Variants in UBL3 observed in about 807,000 individuals in gnomAD.
UBL3 encodes the protein ubiquitin like 3, also known as ubiquitin-like protein 3.
A neutral mutation model predicts 18.4 loss-of-function variants in UBL3; 6 were observed. The observed-to-expected ratio is 0.33, with a 90% CI of 0.18 to 0.64. The LOEUF (loss-of-function observed/expected upper bound fraction) is 0.64, where lower values mean the gene tolerates loss of function less well. Among genes scored for constraint, UBL3 ranks in the 30% least tolerant of loss-of-function variants. The pLI, the probability that UBL3 is intolerant of heterozygous loss-of-function variation, is 0.76. For missense variants in UBL3, 109 were observed against 142.9 expected (o/e 0.76, Z 1.21); for synonymous variants, 49 against 46.6 (o/e 1.05, Z -0.21).
chr13:29,846,667 A>G (rs1879234812), intron 1 of UBL3, among the ~76,000 whole-genome samples: 1 of 152,196 alleles, frequency 6.6e-6, no homozygotes, highest in Non-Finnish European at 1.5e-5. Context: ...AATTATCTCT[A>G]TTGGAAACAT....
At position 29,766,828 on chromosome 13, in the gene UBL3, G is replaced by T. The variant is rs1034365912; in HGVS notation, c.*427C>A. On this transcript the variant is annotated 3_prime_UTR_variant, in exon 5 of 5. Coordinates refer to ENST00000380680, the MANE Select transcript of UBL3 (RefSeq NM_007106.4). ...TTCCAGTGTGGAATTGTATATATAA[G>T]TATTTCTAGATACCACACACTGTTA... The T allele has an allele frequency of 6.5e-6, 1 of 153,552 alleles. No homozygotes were observed. The highest frequency in any genetic ancestry group is 2.4e-5 in the African/African-American group (1 of 41,438). The allele number at this position is 153,552 out of a possible 1,614,324, so 9.5% of individuals were successfully genotyped here.
chr13:29,822,947 TCACAC>T (rs1878504115), intron 1 of UBL3, among the ~76,000 whole-genome samples: 2 of 151,950 alleles, frequency 1.3e-5, no homozygotes, highest in African/African-American at 4.8e-5. Context: ...ACACATCACA[TCACAC>T]ATAAAAAATG....
At chr13:29,836,542 C>A (rs1440618621) in intron 1 of UBL3, among the ~76,000 whole-genome samples, 1 of 151,902 alleles carries the variant, frequency 6.6e-6, no homozygotes, top group Non-Finnish European at 1.5e-5. Flanking sequence ...AGGGTCAGGA[C>A]TTGAGGAGCC....
chr13:29,833,975 CAA>C (rs929628729), intron 1 of UBL3, among the ~76,000 whole-genome samples: 1 of 152,086 alleles, frequency 6.6e-6, no homozygotes, highest in African/African-American at 2.4e-5. Context: ...ATCACGAGGT[CAA>C]GAGTTCGAGA....
At chr13:29,814,029 C>T (rs1878189889) in intron 1 of UBL3, among the ~76,000 whole-genome samples, 1 of 152,090 alleles carries the variant, frequency 6.6e-6, no homozygotes, top group Admixed American at 6.6e-5. Flanking sequence ...GCATGCAAAT[C>T]ACGCTTCTTC....
intron 1 of UBL3, among the ~76,000 whole-genome samples, chr13:29,820,711 G>A (rs1878413740): frequency 6.6e-6 from 1 of 151,984 alleles, no homozygotes; most frequent in Non-Finnish European, 1.5e-5. Context: ...CAACATATTA[G>A]GTTCTGACCA....
chr13:29,822,694 C>T (rs939214246), intron 1 of UBL3, among the ~76,000 whole-genome samples: 1 of 152,144 alleles, frequency 6.6e-6, no homozygotes, highest in African/African-American at 2.4e-5. Context: ...CGAACCACCA[C>T]ACCTGGCCAA....
chr13:29,787,210 T>C (rs930163993), intron 1 of UBL3, among the ~76,000 whole-genome samples: 3 of 152,162 alleles, frequency 2.0e-5, no homozygotes, highest in African/African-American at 7.2e-5. Flanking sequence ...AAGAAAACTT[T>C]GGGTTCTTAT....
intron 1 of UBL3, among the ~76,000 whole-genome samples, chr13:29,848,747 C>T (rs970027228): frequency 6.6e-6 from 1 of 152,208 alleles, no homozygotes; most frequent in Admixed American, 6.5e-5. Context: ...GACTCACAAC[C>T]TTACCCTTTA....
chr13:29,776,610 C>T (rs910207767), intron 2 of UBL3, among the ~76,000 whole-genome samples: 6 of 151,886 alleles, frequency 4.0e-5, no homozygotes, highest in Admixed American at 1.3e-4. Flanking sequence ...CGGTGGCTCA[C>T]GCCTGTAATC....
rs893825581 is a variant in UBL3, at chr13:29,785,692, G to A, written c.28-8429C>T. ...TGCAGCGCTAAAATATGGTAATTAC[G>A]TATTTCATAAACTTTCTTTTATTCA... On this transcript the variant is annotated intron_variant, in intron 1 of 4. Coordinates refer to ENST00000380680, the MANE Select transcript of UBL3 (RefSeq NM_007106.4). Among the ~76,000 whole-genome samples the A allele has an allele frequency of 5.3e-5, 8 of 152,228 alleles. No individual in the cohort carries two copies. The South Asian group carries it at 6.2e-4, about 12-fold the overall frequency.
intron 1 of UBL3, among the ~76,000 whole-genome samples, chr13:29,783,018 G>C (rs9508553): frequency 0.15 from 22,483 of 152,178 alleles, 2,101 homozygotes; most frequent in East Asian, 0.41. Flanking sequence ...AGATGCAACT[G>C]AAAGTGCAGA....
intron 1 of UBL3, among the ~76,000 whole-genome samples, chr13:29,848,200 T>C (rs572840067): frequency 2.0e-5 from 3 of 147,674 alleles, no homozygotes; most frequent in East Asian, 2.0e-4. Context: ...TCCCAGCACT[T>C]TGGGAGGCCA....
chr13:29,800,902 G>C (rs1210817676), intron 1 of UBL3, among the ~76,000 whole-genome samples: 1 of 151,408 alleles, frequency 6.6e-6, no homozygotes, highest in Non-Finnish European at 1.5e-5. Flanking sequence ...GCTGGGGACT[G>C]ACAGGGACCC....
intron 1 of UBL3, among the ~76,000 whole-genome samples, chr13:29,790,638 C>T (rs1877458026): frequency 6.6e-6 from 1 of 152,122 alleles, no homozygotes. Context: ...ATGTTTCCTT[C>T]TTGGAGATGT....
intron 1 of UBL3, among the ~76,000 whole-genome samples, chr13:29,798,834 G>A (rs923755160): frequency 1.2e-4 from 18 of 152,128 alleles, no homozygotes; most frequent in African/African-American, 4.3e-4. Context: ...TTTTTCACAT[G>A]CTTGATATTA....
In UBL3 at chr13:29,780,331, GCGA is replaced by G. The variant is rs1271719071; in HGVS notation, c.28-3071_28-3069del. 1.1e-4 allele frequency among the ~76,000 whole-genome samples: 13 copies of G among 121,168 alleles called. 1 individual carries two copies. The East Asian group carries it at 3.1e-3, about 29-fold the overall frequency. 79.5% of individuals were successfully genotyped at this position (121,168 alleles called of 152,430 possible). A position where few individuals can be genotyped will look rare whatever the true frequency, so the allele number is the denominator to read the frequency against. ...ATTGTGCCACTGCACTCCAGCCTGG[GCGA>G]CAGAGCGAGACTCTGTCTCAAAAAA... On this transcript the variant is annotated intron_variant, in intron 1 of 4. Transcript: ENST00000380680.
In UBL3 at chr13:29,771,277, C is replaced by T. The variant is rs373721168; in HGVS notation, c.223+835G>A. 7.3e-4 allele frequency among the ~76,000 whole-genome samples: 111 copies of T among 152,122 alleles called. 2 individuals carry two copies. The highest frequency in any genetic ancestry group is 3.4e-3 in the Middle Eastern group (1 of 294). On this transcript the variant is annotated intron_variant, in intron 3 of 4. Coordinates refer to ENST00000380680, the MANE Select transcript of UBL3 (RefSeq NM_007106.4). ...AGATAGACCATTTCATTTGCCTATA[C>T]GTTTCCAATTATCTGAATATATTTG... is the stretch of plus-strand genomic sequence containing the variant.
intron 1 of UBL3, among the ~76,000 whole-genome samples, chr13:29,779,806 C>T (rs1462852963): frequency 1.3e-5 from 2 of 152,192 alleles, no homozygotes; most frequent in East Asian, 3.8e-4. Context: ...ACTCGCATCT[C>T]CCCAAAATCT....
Sources: gnomAD v4.1 joint callset for allele counts (sites outside exome capture counted in the v4.1 genomes callset) on GRCh38, gnomAD v4.1.1 for gene constraint, MANE v1.5 for transcripts, NCBI Gene and HGNC (gene_info 2026-07-23, HGNC 2026-07-21) for gene names.